Variants in ZDHHC2 observed in about 807,000 individuals in gnomAD.
ZDHHC2 encodes palmitoyltransferase ZDHHC2.
A neutral mutation model predicts 55.6 loss-of-function variants in ZDHHC2; 51 were observed. The ratio of observed to expected loss-of-function variants is 0.92; its 90% CI spans 0.73 to 1.16. ZDHHC2 has a LOEUF of 1.16. ZDHHC2 is among the 50% of genes most tolerant of loss of function. The pLI is 0.00. For missense variants in ZDHHC2, 491 were observed against 442.4 expected, an observed-to-expected ratio of 1.11 and a Z score of -0.99; for synonymous variants, 199 against 152.9, an observed-to-expected ratio of 1.30 and a Z score of -2.22.
At chr8:17,186,301 A>C (rs934740668) in intron 2 of ZDHHC2, 30 bp from the exon 3 acceptor site, 2 of 1,431,838 alleles carry the variant, frequency 1.4e-6, no homozygotes, top group Non-Finnish European at 1.9e-6. Flanking sequence ...TTTGCATATT[A>C]TAATGATAAT....
At chr8:17,212,748 G>A (rs1563170043) in intron 10 of ZDHHC2, among the ~76,000 whole-genome samples, 1 of 151,992 alleles carries the variant, frequency 6.6e-6, no homozygotes, top group Non-Finnish European at 1.5e-5. Context: ...AAAAGCTAAT[G>A]AATGTCTGTT....
intron 12 of ZDHHC2, among the ~76,000 whole-genome samples, chr8:17,219,434 T>C (rs1807808999): frequency 6.6e-6 from 1 of 152,124 alleles, no homozygotes; most frequent in South Asian, 2.1e-4. Flanking sequence ...TAAATTTAGC[T>C]TACCAACCTT....
rs1242048392 is a variant in ZDHHC2 at position 17,221,603 on chromosome 8, C to G, written c.*1382C>G. On this transcript the variant is annotated 3_prime_UTR_variant, in exon 13 of 13. Transcript: ENST00000262096. ...AACCAAACATTCAACACAAAATAAA[C>G]TAGAAGGCCAGAGGATAATGGAATA... 1 of 152,334 alleles carries G rather than the reference C, an allele frequency of 6.6e-6. No homozygotes were observed. Among genetic ancestry groups the G allele is most frequent in the Non-Finnish European group, 1.5e-5 (1 of 67,930 alleles). The allele number at this position is 152,334 out of a possible 1,614,324, so 9.4% of individuals were successfully genotyped here.
chr8:17,197,668 C>T lies in ZDHHC2; in HGVS notation c.443+17C>T, dbSNP rs780819647. 2 of 1,605,506 alleles carry T rather than the reference C, an allele frequency of 1.2e-6. No homozygotes were observed. The highest frequency in any genetic ancestry group is 1.3e-5 in the African/African-American group (1 of 74,608). On this transcript the variant is annotated intron_variant, in intron 5 of 12. Coordinates refer to ENST00000262096, the MANE Select transcript of ZDHHC2 (RefSeq NM_016353.5). ...CTGTGATAAGTAAGAGAACCTTTAA[C>T]TTCTAAAATATCTACATGCTGGTGG...
intron 6 of ZDHHC2, among the ~76,000 whole-genome samples, chr8:17,202,973 T>C (rs1806879446): frequency 6.6e-6 from 1 of 152,234 alleles, no homozygotes; most frequent in African/African-American, 2.4e-5. Flanking sequence ...CTGCTGCTTA[T>C]ATTCCTTCAG....
chr8:17,222,777 A>T lies in ZDHHC2; in HGVS notation c.*2556A>T, dbSNP rs1046082479. 6.6e-6 allele frequency: 1 copy of T among 151,682 alleles called. No individual in the cohort carries two copies. Among genetic ancestry groups the T allele is most frequent in the African/African-American group, 2.4e-5 (1 of 41,368 alleles). The allele number at this position is 151,682 out of a possible 1,614,324, so 9.4% of individuals were successfully genotyped here. A position where few individuals can be genotyped will look rare whatever the true frequency, so the allele number is the denominator to read the frequency against. ...ATAAGAAACTGCCTTTGCACTGACAATGTAAATTATTTTAAGCATAAATTT... is the reference window on the plus strand; with the variant it reads ...ATAAGAAACTGCCTTTGCACTGACATTGTAAATTATTTTAAGCATAAATTT... On this transcript the variant is annotated 3_prime_UTR_variant, in exon 13 of 13. Transcript: ENST00000262096.
intron 1 of ZDHHC2, among the ~76,000 whole-genome samples, chr8:17,178,533 GC>G (rs1805267614): frequency 1.3e-5 from 2 of 152,240 alleles, no homozygotes; most frequent in South Asian, 2.1e-4. Context: ...CCCTGTCTCA[GC>G]TACCTAACTC....
intron 3 of ZDHHC2, among the ~76,000 whole-genome samples, chr8:17,187,084 T>C (rs1410294185): frequency 6.6e-6 from 1 of 152,234 alleles, no homozygotes; most frequent in Non-Finnish European, 1.5e-5. Flanking sequence ...AAGTTGGTTA[T>C]ATGGCCACAT....
Position 17,215,304 on chromosome 8 carries a change from C to A in ZDHHC2, c.1018C>A (p.Gln340Lys). 1 of 1,598,904 alleles carries A rather than the reference C, an allele frequency of 6.3e-7. No individual in the cohort carries two copies. Among genetic ancestry groups the A allele is most frequent in the Non-Finnish European group, 8.5e-7 (1 of 1,172,370 alleles). Residue 340 changes from glutamine to lysine, a missense_variant, in exon 11 of 13, where the codon CAG (glutamine) becomes AAG (lysine). By Grantham distance (53) the Gln-to-Lys change is moderately conservative (BLOSUM62 1). Coordinates refer to ENST00000262096, the MANE Select transcript of ZDHHC2 (RefSeq NM_016353.5). The part of the protein sequence containing the change: ...ESQSHLLTDS[Q>K]SWTESSINPG... Reference sequence around the variant, plus strand: ...CCAGAGCCACCTTCTTACTGATTCTCAGTCTTGGACGGAGAGCAGCATAAA... The same window carrying A: ...CCAGAGCCACCTTCTTACTGATTCTAAGTCTTGGACGGAGAGCAGCATAAA...
chr8:17,192,647 T>C (rs2150918195), intron 3 of ZDHHC2, among the ~76,000 whole-genome samples: 1 of 152,346 alleles, frequency 6.6e-6, no homozygotes, highest in South Asian at 2.1e-4. Flanking sequence ...ATTTGTCCAC[T>C]TTTGCTTTGG....
chr8:17,199,999 C>G (rs1806662611), intron 6 of ZDHHC2, among the ~76,000 whole-genome samples: 1 of 152,084 alleles, frequency 6.6e-6, no homozygotes, highest in South Asian at 2.1e-4. Flanking sequence ...TTGTGATCCG[C>G]CCGCCTTGGC....
intron 2 of ZDHHC2, 67 bp from the exon 3 acceptor site, chr8:17,186,264 T>A (rs937916393): frequency 9.6e-7 from 1 of 1,046,092 alleles, no homozygotes; most frequent in Non-Finnish European, 1.4e-6. Flanking sequence ...AGCAGATCGG[T>A]TGTGACTGTC....
At chr8:17,179,756 T>A (rs1585670226) in intron 1 of ZDHHC2, among the ~76,000 whole-genome samples, 1 of 152,208 alleles carries the variant, frequency 6.6e-6, no homozygotes, top group East Asian at 1.9e-4. Flanking sequence ...AACAGGAACA[T>A]TCTTGGTAAC....
At chr8:17,210,987 A>G (rs114451520) in intron 10 of ZDHHC2, among the ~76,000 whole-genome samples, 1,643 of 152,208 alleles carry the variant, frequency 0.011, 25 homozygotes, top group African/African-American at 0.037. Context: ...TATCTGAGCC[A>G]TTTCTGTGGA....
At chr8:17,212,148 T>A (rs984972490) in intron 10 of ZDHHC2, among the ~76,000 whole-genome samples, 1 of 152,150 alleles carries the variant, frequency 6.6e-6, no homozygotes, top group Non-Finnish European at 1.5e-5. Flanking sequence ...TGAGGTCAGA[T>A]TTAGACAGCT....
At chr8:17,219,204 C>T (rs1049707294) in intron 12 of ZDHHC2, among the ~76,000 whole-genome samples, 2 of 125,766 alleles carry the variant, frequency 1.6e-5, no homozygotes, top group African/African-American at 6.1e-5. Flanking sequence ...GAGCCAAAAT[C>T]GTGCCATTGC....
intron 1 of ZDHHC2, among the ~76,000 whole-genome samples, chr8:17,180,466 G>A (rs906040915): frequency 6.6e-6 from 1 of 151,968 alleles, no homozygotes; most frequent in Non-Finnish European, 1.5e-5. Flanking sequence ...TTTCTTTCAG[G>A]AGCCTGTACA....
intron 1 of ZDHHC2, among the ~76,000 whole-genome samples, chr8:17,163,455 TG>T (rs1401343600): frequency 1.3e-5 from 2 of 152,168 alleles, no homozygotes; most frequent in African/African-American, 4.8e-5. Flanking sequence ...TGAGTATATA[TG>T]GGGGCGAGGG....
chr8:17,198,765 G>T (rs1036200065), intron 6 of ZDHHC2, among the ~76,000 whole-genome samples: 2 of 152,118 alleles, frequency 1.3e-5, no homozygotes, highest in Non-Finnish European at 2.9e-5. Context: ...TCACTGGAAG[G>T]TTTTTATAAA....
Sources: allele counts gnomAD v4.1 joint callset (sites outside exome capture counted in the v4.1 genomes callset), GRCh38; gene constraint gnomAD v4.1.1; transcripts MANE v1.5; gene names NCBI Gene and HGNC (gene_info 2026-07-23, HGNC 2026-07-21).